ARL15: variants seen among roughly 807,000 people sequenced by gnomAD.
ARL15 encodes the protein ARF like GTPase 15.
A neutral mutation model predicts 25.2 loss-of-function variants in ARL15; 19 were observed. That is an observed-to-expected ratio of 0.75 (90% CI 0.53 to 1.10). The LOEUF (loss-of-function observed/expected upper bound fraction) is 1.10, where lower values mean the gene tolerates loss of function less well. Among genes scored for constraint, ARL15 ranks in the 50% least tolerant of loss-of-function variants. The probability of loss-of-function intolerance (pLI) is 0.00; values close to 1 mark genes in which losing one functional copy is unlikely to be tolerated. For synonymous variants in ARL15, 94 were observed against 86.8 expected (o/e 1.08, Z -0.46); for missense variants, 220 against 246.0 (o/e 0.89, Z 0.71).
intron 4 of ARL15, among the ~76,000 whole-genome samples, chr5:54,087,617 T>G (rs1182162160): frequency 6.6e-6 from 1 of 152,190 alleles, no homozygotes; most frequent in East Asian, 1.9e-4. Context: ...AATATAAACA[T>G]GTGACTGTTA....
intron 4 of ARL15, among the ~76,000 whole-genome samples, chr5:53,956,163 T>C (rs1033047012): frequency 2.0e-5 from 3 of 152,018 alleles, no homozygotes; most frequent in African/African-American, 7.2e-5. Flanking sequence ...GCTCCTGGCA[T>C]TCAAGAAAAT....
intron 4 of ARL15, among the ~76,000 whole-genome samples, chr5:53,950,824 GAATAATAACCCA>G (rs1418062565): frequency 3.9e-5 from 6 of 152,128 alleles, no homozygotes; most frequent in African/African-American, 1.4e-4. Flanking sequence ...GGTATTTCTT[GAATAATAACCCA>G]AACTGCAGAG....
intron 2 of ARL15, among the ~76,000 whole-genome samples, chr5:54,169,106 C>T (rs1043648787): frequency 1.1e-4 from 16 of 152,124 alleles, no homozygotes; most frequent in Admixed American, 2.0e-4. Context: ...TCTGGTAAAA[C>T]GTATTATTAA....
chr5:53,970,202 G>GA (rs1475178987), intron 4 of ARL15, among the ~76,000 whole-genome samples: 12 of 152,168 alleles, frequency 7.9e-5, no homozygotes, highest in African/African-American at 2.6e-4. Flanking sequence ...AATGAAAACA[G>GA]AAAATAAAAA....
intron 4 of ARL15, among the ~76,000 whole-genome samples, chr5:54,086,103 G>T (rs189713986): frequency 6.7e-6 from 1 of 150,330 alleles, no homozygotes; most frequent in South Asian, 2.1e-4. Flanking sequence ...TAGTAGAGAC[G>T]GGGTTTCTCC....
intron 4 of ARL15, among the ~76,000 whole-genome samples, chr5:54,003,003 C>A (rs760923696): frequency 1.2e-4 from 18 of 152,114 alleles, no homozygotes; most frequent in Non-Finnish European, 2.1e-4. Flanking sequence ...AAACGATTGG[C>A]CATTAGTAGT....
intron 4 of ARL15, among the ~76,000 whole-genome samples, chr5:53,996,392 G>A (rs1748672185): frequency 6.6e-6 from 1 of 151,828 alleles, no homozygotes; most frequent in African/African-American, 2.4e-5. Flanking sequence ...ACTGAGGCGG[G>A]TAGATCATCT....
At chr5:53,917,711 C>A (rs1022372090) in intron 4 of ARL15, among the ~76,000 whole-genome samples, 1 of 152,158 alleles carries the variant, frequency 6.6e-6, no homozygotes, top group African/African-American at 2.4e-5. Flanking sequence ...TTAAGATTAA[C>A]CTTTTCTGAT....
intron 3 of ARL15, among the ~76,000 whole-genome samples, chr5:54,129,130 C>T (rs552955716): frequency 6.6e-6 from 1 of 152,134 alleles, no homozygotes; most frequent in Non-Finnish European, 1.5e-5. Context: ...TTCCTGATAC[C>T]TTTCAACATA....
intron 1 of ARL15, among the ~76,000 whole-genome samples, chr5:54,205,661 T>C (rs970665020): frequency 4.6e-5 from 7 of 152,200 alleles, no homozygotes; most frequent in African/African-American, 1.7e-4. Context: ...TGATTAATCA[T>C]TCAACAAATC....
intron 1 of ARL15, among the ~76,000 whole-genome samples, chr5:54,277,575 C>T (rs1757957281): frequency 6.6e-6 from 1 of 152,078 alleles, no homozygotes. Context: ...CATGGTGAAA[C>T]CACGTCTCTA....
chr5:54,035,894 TG>T (rs1434044156), intron 4 of ARL15, among the ~76,000 whole-genome samples: 4 of 152,030 alleles, frequency 2.6e-5, no homozygotes, highest in Admixed American at 2.6e-4. Context: ...ACTTATAAAG[TG>T]AGAAAAATAA....
In ARL15 at chr5:54,209,413, T is replaced by C. The variant is rs372527857; in HGVS notation, c.49-37485A>G. On this transcript the variant is annotated intron_variant, in intron 1 of 4. Coordinates refer to ENST00000504924, the MANE Select transcript of ARL15 (RefSeq NM_019087.3). ...GAGAAAGAGAAGTTAGAGAGGGCAT[T>C]TGAAGGGAGGGAAGGAAGAAGAAGT... Among the ~76,000 whole-genome samples, 4 of 151,424 alleles carry C rather than the reference T, an allele frequency of 2.6e-5. No homozygotes were observed. In the South Asian group the frequency reaches 6.3e-4, roughly 24 times the overall value.
intron 1 of ARL15, among the ~76,000 whole-genome samples, chr5:54,247,119 G>A (rs748099586): frequency 4.4e-4 from 67 of 151,732 alleles, no homozygotes; most frequent in Non-Finnish European, 4.4e-4. Context: ...GGATATTATT[G>A]AATGTAATTT....
At chr5:54,116,870 A>C (rs1171535727) in intron 3 of ARL15, among the ~76,000 whole-genome samples, 2 of 152,184 alleles carry the variant, frequency 1.3e-5, no homozygotes, top group Non-Finnish European at 2.9e-5. Context: ...TCATGGACTA[A>C]AAAGGCAATG....
intron 4 of ARL15, among the ~76,000 whole-genome samples, chr5:54,089,176 G>C (rs975284964): frequency 6.6e-6 from 1 of 152,114 alleles, no homozygotes; most frequent in East Asian, 1.9e-4. Context: ...AGTCCATAAC[G>C]GTTTTTGCCA....
intron 2 of ARL15, among the ~76,000 whole-genome samples, chr5:54,161,965 C>A (rs978422415): frequency 6.7e-6 from 1 of 149,084 alleles, no homozygotes; most frequent in East Asian, 2.0e-4. Flanking sequence ...CCTCCTTCCA[C>A]CCCCTTTGTT....
intron 4 of ARL15, among the ~76,000 whole-genome samples, chr5:54,014,206 T>C (rs1749333619): frequency 6.6e-6 from 1 of 152,100 alleles, no homozygotes; most frequent in Non-Finnish European, 1.5e-5. Flanking sequence ...CACTACTCCC[T>C]GGTATAATGA....
intron 4 of ARL15, chr5:54,047,875 T>A (rs1356974613): frequency 6.6e-6 from 1 of 152,252 alleles, no homozygotes; most frequent in Non-Finnish European, 1.5e-5. Flanking sequence ...TTGCGTGTCA[T>A]TCTAATGGTA....
Sources: gnomAD v4.1 joint callset for allele counts (sites outside exome capture counted in the v4.1 genomes callset) on GRCh38, gnomAD v4.1.1 for gene constraint, MANE v1.5 for transcripts, NCBI Gene and HGNC (gene_info 2026-07-23, HGNC 2026-07-21) for gene names.